Variants in VDAC1 observed in about 807,000 individuals in gnomAD.
VDAC1 encodes the protein voltage dependent anion channel 1, also known as non-selective voltage-gated ion channel VDAC1.
Under a neutral mutation model 34.7 loss-of-function variants are expected in VDAC1, and 10 were observed. The ratio of observed to expected loss-of-function variants is 0.29; its 90% confidence interval spans 0.18 to 0.49. VDAC1 has a LOEUF of 0.49. Ranked by LOEUF, VDAC1 falls within the 20% of genes least tolerant of loss-of-function variation. The pLI, the probability that VDAC1 is intolerant of heterozygous loss-of-function variation, is 0.99. For synonymous variants in VDAC1, 130 were observed against 136.0 expected (o/e 0.96, Z 0.30); for missense variants, 230 against 347.9 (o/e 0.66, Z 2.69).
the VDAC1 span, among the ~76,000 whole-genome samples, chr5:134,099,370 T>C: frequency 6.6e-5 from 10 of 152,264 alleles, no homozygotes; most frequent in East Asian, 5.8e-4. Context: ...AAGGTGCCGT[T>C]TGGGGATGCT....
chr5:134,036,665 A>AC, the VDAC1 span, among the ~76,000 whole-genome samples: 1 of 151,532 alleles, frequency 6.6e-6, no homozygotes, highest in Non-Finnish European at 1.5e-5. Flanking sequence ...TTTTTAAAAA[A>AC]AAAAAAGGCC....
At chr5:134,054,491 C>T in the VDAC1 span, among the ~76,000 whole-genome samples, 4 of 119,194 alleles carry the variant, frequency 3.4e-5, no homozygotes, top group African/African-American at 6.2e-5. Context: ...GATGGAGTCT[C>T]GCTCTGTTGC....
the VDAC1 span, among the ~76,000 whole-genome samples, chr5:134,074,907 GCA>G: frequency 6.6e-6 from 1 of 152,010 alleles, no homozygotes; most frequent in Admixed American, 6.6e-5. Context: ...AGAGCAAATG[GCA>G]CAGTCATGGA....
chr5:134,055,012 A>C, the VDAC1 span, among the ~76,000 whole-genome samples: 2 of 152,242 alleles, frequency 1.3e-5, no homozygotes, highest in African/African-American at 4.8e-5. Flanking sequence ...TATGTCGATC[A>C]CCAGACATTG....
the VDAC1 span, among the ~76,000 whole-genome samples, chr5:134,058,556 C>T: frequency 6.6e-6 from 1 of 152,188 alleles, no homozygotes; most frequent in South Asian, 2.1e-4. Flanking sequence ...ACCTCATGAT[C>T]CACCTGCCTT....
At chr5:134,015,860 G>A in the VDAC1 span, among the ~76,000 whole-genome samples, 1 of 152,120 alleles carries the variant, frequency 6.6e-6, no homozygotes, top group African/African-American at 2.4e-5. Flanking sequence ...GGCCAGGCTG[G>A]TCTTGAACTC....
the VDAC1 span, among the ~76,000 whole-genome samples, chr5:134,039,739 A>T: frequency 6.6e-6 from 1 of 152,168 alleles, no homozygotes; most frequent in Non-Finnish European, 1.5e-5. Context: ...CCAGAAGCTG[A>T]CCAAAGAAGC....
the VDAC1 span, among the ~76,000 whole-genome samples, chr5:134,108,904 T>C: frequency 6.6e-6 from 1 of 152,116 alleles, no homozygotes; most frequent in African/African-American, 2.4e-5. Flanking sequence ...CTTTAATCCC[T>C]CTTCTCTCCT....
Position 133,972,604 on chromosome 5 carries a change from G to A in VDAC1, c.*167C>T, listed in dbSNP as rs1395656028. 13 of 594,948 alleles carry A rather than the reference G, an allele frequency of 2.2e-5. No homozygotes were observed. The highest frequency in any genetic ancestry group is 3.2e-5 in the Non-Finnish European group (11 of 347,710). 36.9% of individuals were successfully genotyped at this position (594,948 alleles called of 1,614,324 possible). A position where few individuals can be genotyped will look rare whatever the true frequency, so the allele number is the denominator to read the frequency against. On this transcript the variant is annotated 3_prime_UTR_variant, in exon 9 of 9. Transcript: ENST00000265333. ...CCTTTTTTGGAAATAGGTTTCTTCT[G>A]TACCTCTGGAAGGGTAACATCTTAA... is the stretch of plus-strand genomic sequence containing the variant.
chr5:134,021,284 C>T, the VDAC1 span, among the ~76,000 whole-genome samples: 16 of 151,876 alleles, frequency 1.1e-4, no homozygotes, highest in African/African-American at 3.4e-4. Flanking sequence ...GTTTGCTGCA[C>T]CCATCAACTC....
chr5:134,084,515 G>T, the VDAC1 span, among the ~76,000 whole-genome samples: 1 of 152,240 alleles, frequency 6.6e-6, no homozygotes, highest in Non-Finnish European at 1.5e-5. Flanking sequence ...CATGGTTGGG[G>T]GGTCCCTGCT....
At chr5:133,979,759 C>T (rs1258996279) in intron 6 of VDAC1, among the ~76,000 whole-genome samples, 4 of 152,134 alleles carry the variant, frequency 2.6e-5, no homozygotes, top group African/African-American at 7.2e-5. Context: ...TACATTTTTA[C>T]GAATTTTAAC....
the VDAC1 span, among the ~76,000 whole-genome samples, chr5:134,085,538 C>A: frequency 6.6e-6 from 1 of 151,588 alleles, no homozygotes; most frequent in African/African-American, 2.4e-5. Flanking sequence ...CTTACCTTAT[C>A]TGTAAAATGG....
the VDAC1 span, among the ~76,000 whole-genome samples, chr5:134,015,532 C>G: frequency 6.6e-6 from 1 of 152,186 alleles, no homozygotes; most frequent in African/African-American, 2.4e-5. Context: ...TTTGTCATAG[C>G]AGTCTGGATG....
At chr5:134,008,370 C>T (rs1753788904), upstream of VDAC1, among the ~76,000 whole-genome samples, 2 of 152,162 alleles carry the variant, frequency 1.3e-5, no homozygotes, top group Admixed American at 1.3e-4. Context: ...TTGTTTTCTT[C>T]CAGATGCTAA....
At chr5:133,978,292 T>C (rs537181961) in intron 6 of VDAC1, among the ~76,000 whole-genome samples, 1 of 152,102 alleles carries the variant, frequency 6.6e-6, no homozygotes, top group Non-Finnish European at 1.5e-5. Context: ...GTTGCCACCA[T>C]GCCCAGCTAA....
At chr5:134,095,833 T>G in the VDAC1 span, among the ~76,000 whole-genome samples, 92 of 152,344 alleles carry the variant, frequency 6.0e-4, no homozygotes, top group Middle Eastern at 6.8e-3. Flanking sequence ...AAATGCTCAA[T>G]GGCCACATGT....
chr5:134,032,142 A>AAAAAAAAAC, the VDAC1 span, among the ~76,000 whole-genome samples: 1 of 149,664 alleles, frequency 6.7e-6, no homozygotes, highest in African/African-American at 2.5e-5. Context: ...AAAAAAAAAA[A>AAAAAAAAAC]AAGCTACTCT....
At chr5:134,048,563 G>A in the VDAC1 span, among the ~76,000 whole-genome samples, 2 of 152,294 alleles carry the variant, frequency 1.3e-5, no homozygotes, top group African/African-American at 2.4e-5. Context: ...ATGAGCCACC[G>A]TGCTTGGCCT....
Sources: allele counts gnomAD v4.1 joint callset (sites outside exome capture counted in the v4.1 genomes callset), GRCh38; gene constraint gnomAD v4.1.1; transcripts MANE v1.5; gene names NCBI Gene and HGNC (gene_info 2026-07-23, HGNC 2026-07-21).